PAQR5: variants seen among roughly 807,000 people sequenced by gnomAD.
The protein encoded by PAQR5 is progestin and adipoQ receptor family member 5, also known as membrane progestin receptor gamma.
In PAQR5, 20 loss-of-function variants were observed where a neutral mutation model predicts 34.5. The observed-to-expected ratio is 0.58, with a 90% CI of 0.41 to 0.84. PAQR5 has a LOEUF of 0.84. PAQR5 is among the 40% of genes least tolerant of loss of function. The probability of loss-of-function intolerance (pLI) is 0.00; values close to 1 mark genes in which losing one functional copy is unlikely to be tolerated. For missense variants in PAQR5, 378 were observed against 412.7 expected (o/e 0.92, Z 0.73); for synonymous variants, 131 against 155.6 (o/e 0.84, Z 1.18).
chr15:69,400,007 G>T lies in PAQR5; in HGVS notation c.643G>T (p.Glu215Ter). Residue 215 changes from glutamate to a stop codon, truncating the protein, a stop_gained, in exon 8 of 9, where the codon GAA becomes TAA. Transcript: ENST00000395407. LOFTEE classifies it high-confidence loss of function. ...FLFPGESAQN[E>*]ATSYHQKHMI... Reference sequence around the variant, plus strand: ...GTTCCCAGGGGAGAGTGCACAAAATGAAGCCACCTCGTACCACCAGAAGCA... The same window carrying T: ...GTTCCCAGGGGAGAGTGCACAAAATTAAGCCACCTCGTACCACCAGAAGCA... 1 of 1,614,142 alleles carries T rather than the reference G, an allele frequency of 6.2e-7. No homozygotes were observed. Among genetic ancestry groups the T allele is most frequent in the Non-Finnish European group, 8.5e-7 (1 of 1,179,988 alleles).
intron 2 of PAQR5, among the ~76,000 whole-genome samples, chr15:69,339,450 T>G (rs2054589850): frequency 6.6e-6 from 1 of 152,112 alleles, no homozygotes; most frequent in African/African-American, 2.4e-5. Flanking sequence ...TTTTTGTTGT[T>G]GTTGTTGTTT....
intron 2 of PAQR5, among the ~76,000 whole-genome samples, chr15:69,357,115 C>T (rs2055100647): frequency 6.6e-6 from 1 of 152,146 alleles, no homozygotes; most frequent in Admixed American, 6.6e-5. Context: ...GCCAGCTACT[C>T]CTTCGCCTTC....
At chr15:69,397,807 C>G (rs1595946295) in intron 7 of PAQR5, 2 of 561,350 alleles carry the variant, frequency 3.6e-6, no homozygotes, top group East Asian at 5.9e-5. Flanking sequence ...TTTCTTATGT[C>G]TTCCTTTTTC....
chr15:69,310,984 A>C (rs28544538), intron 1 of PAQR5, among the ~76,000 whole-genome samples: 7,605 of 130,716 alleles, frequency 0.058, 668 homozygotes, highest in African/African-American at 0.2. Context: ...GCTTGCAGTG[A>C]GCCGAGATCG....
At chr15:69,350,938 C>T (rs1480742693) in intron 2 of PAQR5, among the ~76,000 whole-genome samples, 2 of 152,150 alleles carry the variant, frequency 1.3e-5, no homozygotes, top group East Asian at 1.9e-4. Flanking sequence ...TGCTAGACAC[C>T]GGCTCTGTGC....
At chr15:69,391,772 T>A (rs1299328694) in intron 6 of PAQR5, 1 of 443,620 alleles carries the variant, frequency 2.3e-6, no homozygotes, top group Non-Finnish European at 4.5e-6. Flanking sequence ...GTCTCCAGAG[T>A]GAGGCTGGGT....
intron 7 of PAQR5, among the ~76,000 whole-genome samples, chr15:69,399,499 TGGG>T: frequency 6.6e-6 from 1 of 152,290 alleles, no homozygotes; most frequent in African/African-American, 2.4e-5. Flanking sequence ...TAATTAAGTT[TGGG>T]GGAGTCAAAA....
chr15:69,395,844 A>G (rs1365112673), intron 6 of PAQR5, among the ~76,000 whole-genome samples: 2 of 152,048 alleles, frequency 1.3e-5, no homozygotes, highest in Non-Finnish European at 2.9e-5. Flanking sequence ...GCCATGTACC[A>G]TGTATGACTT....
At chr15:69,314,215 A>G (rs752250492) in intron 1 of PAQR5, among the ~76,000 whole-genome samples, 5 of 152,136 alleles carry the variant, frequency 3.3e-5, no homozygotes, top group Non-Finnish European at 7.4e-5. Context: ...TGGAAAAAAA[A>G]AAAGGAAATT....
intron 2 of PAQR5, among the ~76,000 whole-genome samples, chr15:69,351,076 A>G (rs2054905599): frequency 6.6e-6 from 1 of 152,212 alleles, no homozygotes; most frequent in African/African-American, 2.4e-5. Flanking sequence ...GGGAATAGAC[A>G]TACTTAGAGG....
At chr15:69,375,764 G>A (rs1006295904) in intron 3 of PAQR5, among the ~76,000 whole-genome samples, 3 of 152,138 alleles carry the variant, frequency 2.0e-5, no homozygotes, top group African/African-American at 7.2e-5. Context: ...TCACAAGCTG[G>A]TTGTGAGGAT....
At chr15:69,333,374 T>G (rs757807809) in intron 1 of PAQR5, among the ~76,000 whole-genome samples, 2 of 152,340 alleles carry the variant, frequency 1.3e-5, no homozygotes, top group East Asian at 3.9e-4. Context: ...CAGAAATTAC[T>G]TATTATGAGA....
At chr15:69,402,638 C>T (rs890292043) in intron 8 of PAQR5, among the ~76,000 whole-genome samples, 2 of 152,174 alleles carry the variant, frequency 1.3e-5, no homozygotes, top group Non-Finnish European at 2.9e-5. Context: ...CTTATAAGGA[C>T]ACCAGTCATA....
intron 3 of PAQR5, 53 bp downstream of exon 3, chr15:69,360,184 G>T: frequency 7.0e-7 from 1 of 1,420,616 alleles, no homozygotes; most frequent in South Asian, 1.1e-5. Context: ...ACCAGGGCTT[G>T]GCCTCCGCAA....
Position 69,384,829 on chromosome 15 carries a change from C to T in PAQR5, c.332C>T (p.Ala111Val). Residue 111 changes from alanine (A) to valine (V), a missense_variant, in exon 5 of 9, where the codon GCC becomes GTC. Coordinates refer to ENST00000395407, the MANE Select transcript of PAQR5 (RefSeq NM_017705.4). ...AHTFSSMSKN[A>V]RHICYFLDYG... The stretch of plus-strand genomic sequence containing the variant: ...ACCTTCAGCTCTATGTCCAAGAATG[C>T]CCGGCACATTTGCTACTTCCTGGAC... The T allele has an allele frequency of 6.2e-7, 1 of 1,614,148 alleles. No homozygotes were observed. The highest frequency in any genetic ancestry group is 8.5e-7 in the Non-Finnish European group (1 of 1,180,004).
chr15:69,376,482 A>G (rs1308589555), intron 3 of PAQR5, among the ~76,000 whole-genome samples: 1 of 152,206 alleles, frequency 6.6e-6, no homozygotes, highest in African/African-American at 2.4e-5. Flanking sequence ...ACTAAGACCT[A>G]GTAATAGGGT....
intron 2 of PAQR5, among the ~76,000 whole-genome samples, chr15:69,340,478 T>C (rs1034854800): frequency 1.3e-5 from 2 of 152,210 alleles, no homozygotes; most frequent in African/African-American, 2.4e-5. Context: ...ATGGCTTTAA[T>C]GAATGGCAAA....
chr15:69,388,719 C>T (rs1440349354), intron 5 of PAQR5, among the ~76,000 whole-genome samples: 2 of 152,216 alleles, frequency 1.3e-5, no homozygotes, highest in Non-Finnish European at 2.9e-5. Flanking sequence ...CCTGTGTGGC[C>T]AGCTTTGCTA....
In PAQR5 at chr15:69,349,733, C is replaced by T. The variant is rs1184406444; in HGVS notation, c.-115-10233C>T. 2.0e-5 allele frequency among the ~76,000 whole-genome samples: 3 copies of T among 151,844 alleles called. No individual in the cohort carries two copies. The East Asian group carries it at 5.8e-4, about 29-fold the overall frequency. ...CTCAGCTCACTGAAACCTCTGCCTC[C>T]TGGGTTCAAGCCATTCTCCTGCCTC... On this transcript the variant is annotated intron_variant, in intron 2 of 8. Transcript: ENST00000395407.
Sources: gnomAD v4.1 joint callset for allele counts (sites outside exome capture counted in the v4.1 genomes callset) on GRCh38, gnomAD v4.1.1 for gene constraint, MANE v1.5 for transcripts, NCBI Gene and HGNC (gene_info 2026-07-23, HGNC 2026-07-21) for gene names.